Variants in ZFPM2 observed in about 807,000 individuals in gnomAD.
ZFPM2 encodes zinc finger protein, FOG family member 2.
A neutral mutation model predicts 98.6 loss-of-function variants in ZFPM2; 20 were observed. The ratio of observed to expected loss-of-function variants is 0.20; its 90% CI spans 0.14 to 0.29. ZFPM2 has a LOEUF of 0.29. Ranked by LOEUF, ZFPM2 falls within the 10% of genes least tolerant of loss-of-function variation. The pLI is 1.00. For synonymous variants in ZFPM2, 518 were observed against 502.7 expected (o/e 1.03, Z -0.41); for missense variants, 1,310 against 1,388.6 (o/e 0.94, Z 0.90).
chr8:105,781,292 T>C (rs1813242847), intron 5 of ZFPM2, among the ~76,000 whole-genome samples: 2 of 150,052 alleles, frequency 1.3e-5, no homozygotes, highest in Admixed American at 6.6e-5. Flanking sequence ...ATTTAAGGAA[T>C]TGGGAAAGTG....
chr8:105,447,169 C>T lies in ZFPM2; in HGVS notation c.301+2788C>T, dbSNP rs533927894. The stretch of plus-strand genomic sequence containing the variant: ...CCTGTCTTAAAATATCTCATATGCC[C>T]ATGAATATATACACCTACTATATAC... On this transcript the variant is annotated intron_variant, in intron 3 of 7. Coordinates refer to ENST00000407775, the MANE Select transcript of ZFPM2 (RefSeq NM_012082.4). Among the ~76,000 whole-genome samples the T allele has an allele frequency of 5.5e-4, 84 of 151,396 alleles. 2 individuals are homozygous for T. The highest frequency in any genetic ancestry group is 3.8e-3 in the South Asian group (18 of 4,780).
At chr8:105,468,143 G>A (rs904435774) in intron 3 of ZFPM2, among the ~76,000 whole-genome samples, 1 of 151,562 alleles carries the variant, frequency 6.6e-6, no homozygotes, top group African/African-American at 2.4e-5. Context: ...AGGCCTCCTA[G>A]ATATACCGTT....
chr8:105,419,012 G>A, intron 1 of ZFPM2, 132 bp from the exon 2 acceptor site: 1 of 730,466 alleles, frequency 1.4e-6, no homozygotes, highest in Admixed American at 3.0e-5. Flanking sequence ...TCTTTTGTGA[G>A]TCCCCTTGGT....
intron 5 of ZFPM2, among the ~76,000 whole-genome samples, chr8:105,744,655 G>T (rs1444919638): frequency 6.8e-3 from 5 of 730 alleles, no homozygotes; most frequent in African/African-American, 0.028. Flanking sequence ...GACAAAAAAA[G>T]CTTCCTTGAA....
chr8:105,724,188 A>C (rs1811745311), intron 5 of ZFPM2, among the ~76,000 whole-genome samples: 1 of 151,848 alleles, frequency 6.6e-6, no homozygotes, highest in African/African-American at 2.4e-5. Flanking sequence ...AATATGAGCT[A>C]AAAAAGTATT....
intron 4 of ZFPM2, among the ~76,000 whole-genome samples, chr8:105,565,640 T>G (rs1815228692): frequency 6.6e-6 from 1 of 152,152 alleles, no homozygotes; most frequent in African/African-American, 2.4e-5. Flanking sequence ...CTGCCTAGCT[T>G]ATAGGAATTT....
intron 3 of ZFPM2, among the ~76,000 whole-genome samples, chr8:105,547,669 A>T (rs1481517267): frequency 3.3e-5 from 5 of 151,992 alleles, no homozygotes; most frequent in Non-Finnish European, 7.4e-5. Flanking sequence ...ATATATTAAC[A>T]TATTTTGGTA....
chr8:105,619,933 G>A (rs1816499931), intron 4 of ZFPM2, among the ~76,000 whole-genome samples: 1 of 152,108 alleles, frequency 6.6e-6, no homozygotes, highest in South Asian at 2.1e-4. Context: ...GTCTATCATT[G>A]ATGGACATTT....
At chr8:105,386,481 T>C (rs1810992569) in intron 1 of ZFPM2, among the ~76,000 whole-genome samples, 1 of 152,068 alleles carries the variant, frequency 6.6e-6, no homozygotes, top group Non-Finnish European at 1.5e-5. Context: ...AGGTGGTGTG[T>C]CTGGAGTTTG....
Position 105,803,619 on chromosome 8 carries a change from G to GAATT in ZFPM2, c.*83_*86dup. 2 of 1,381,470 alleles carry GAATT rather than the reference G, an allele frequency of 1.4e-6. No individual in the cohort carries two copies. Among genetic ancestry groups the GAATT allele is most frequent in the South Asian group, 2.6e-5 (2 of 77,960 alleles). 85.6% of individuals were successfully genotyped at this position (1,381,470 alleles called of 1,614,324 possible). ...GTCCAGAAAAAAAAATAAGCTGTTT[G>GAATT]AATTACATCTGGGCAATCAGGAGAT... On this transcript the variant is annotated 3_prime_UTR_variant, in exon 8 of 8. Transcript: ENST00000407775.
chr8:105,602,051 A>G, intron 4 of ZFPM2, among the ~76,000 whole-genome samples: 1 of 152,044 alleles, frequency 6.6e-6, no homozygotes, highest in East Asian at 1.9e-4. Context: ...CCTTCAGTAG[A>G]CAGAAGCTTT....
chr8:105,318,845 A>AGTG lies in ZFPM2; in HGVS notation c.-96_-95insTGG. 2 of 331,948 alleles carry AGTG rather than the reference A, an allele frequency of 6.0e-6. No homozygotes were observed. Among genetic ancestry groups the AGTG allele is most frequent in the Non-Finnish European group, 3.7e-6 (1 of 269,820 alleles). The allele number at this position is 331,948 out of a possible 1,614,324, so 20.6% of individuals were successfully genotyped here. ...GGCCGGCGGCGGGCCGAGCCTGGCCAGCGGCGGCGGCGGCGGCGGCGGCGG... is the reference window on the plus strand; with the variant it reads ...GGCCGGCGGCGGGCCGAGCCTGGCCAGTGGCGGCGGCGGCGGCGGCGGCGGCGG... On this transcript the variant is annotated 5_prime_UTR_variant, in exon 1 of 8. Coordinates refer to ENST00000407775, the MANE Select transcript of ZFPM2 (RefSeq NM_012082.4).
chr8:105,454,566 G>A (rs1812551049), intron 3 of ZFPM2, among the ~76,000 whole-genome samples: 1 of 152,198 alleles, frequency 6.6e-6, no homozygotes, highest in Non-Finnish European at 1.5e-5. Flanking sequence ...AGGTGTTTCA[G>A]CCTGATCCGA....
At chr8:105,554,984 A>G (rs989321920) in intron 3 of ZFPM2, among the ~76,000 whole-genome samples, 3 of 152,016 alleles carry the variant, frequency 2.0e-5, no homozygotes, top group African/African-American at 7.2e-5. Flanking sequence ...GATTTTAAGT[A>G]TTTCTCTCCA....
intron 2 of ZFPM2, among the ~76,000 whole-genome samples, chr8:105,443,325 A>T (rs1484156087): frequency 6.8e-6 from 1 of 147,198 alleles, no homozygotes; most frequent in Non-Finnish European, 1.5e-5. Flanking sequence ...AAAACAAAAA[A>T]CAAAAAAAAA....
intron 3 of ZFPM2, among the ~76,000 whole-genome samples, chr8:105,485,299 G>A (rs530889643): frequency 6.8e-6 from 1 of 146,582 alleles, no homozygotes; most frequent in Admixed American, 6.7e-5. Flanking sequence ...GTTTTTTTTT[G>A]TTTGTTTGTT....
At position 105,490,584 on chromosome 8, in the gene ZFPM2, T is replaced by C. The variant is rs186492174; in HGVS notation, c.301+46203T>C. Among the ~76,000 whole-genome samples, 25 of 152,362 alleles carry C rather than the reference T, an allele frequency of 1.6e-4. 1 individual carries two copies. The East Asian group carries it at 4.4e-3, about 27-fold the overall frequency. On this transcript the variant is annotated intron_variant, in intron 3 of 7. Transcript: ENST00000407775. ...TATGTGTATTTGGTTATCAATGTTA[T>C]ATTTAAACAAGTGATATTGAGCTAA...
At chr8:105,566,355 G>A (rs1189680578) in intron 4 of ZFPM2, among the ~76,000 whole-genome samples, 1 of 151,920 alleles carries the variant, frequency 6.6e-6, no homozygotes, top group East Asian at 1.9e-4. Flanking sequence ...ATACTATCAT[G>A]GTAGCACAAA....
chr8:105,788,652 A>G (rs1813494152), intron 5 of ZFPM2, 66 bp from the exon 6 acceptor site: 3 of 1,481,178 alleles, frequency 2.0e-6, no homozygotes, highest in African/African-American at 1.4e-5. Context: ...ATGGACATCA[A>G]TCTAGTTTAC....
Sources: allele counts gnomAD v4.1 joint callset (sites outside exome capture counted in the v4.1 genomes callset), GRCh38; gene constraint gnomAD v4.1.1; transcripts MANE v1.5; gene names NCBI Gene and HGNC (gene_info 2026-07-23, HGNC 2026-07-21).